MCTP1: variants seen among roughly 807,000 people sequenced by gnomAD.
MCTP1 encodes multiple C2 and transmembrane domain-containing protein 1.
A neutral mutation model predicts 120.6 loss-of-function variants in MCTP1; 69 were observed. That is an observed-to-expected ratio of 0.57 (90% CI 0.47 to 0.70). The LOEUF (loss-of-function observed/expected upper bound fraction) is 0.70. Ranked by LOEUF, MCTP1 falls within the 30% of genes least tolerant of loss-of-function variation. The pLI is 0.00. For synonymous variants in MCTP1, 529 were observed against 493.1 expected, an observed-to-expected ratio of 1.07 and a Z score of -0.96; for missense variants, 1,203 against 1,248.8, an observed-to-expected ratio of 0.96 and a Z score of 0.55.
At chr5:94,802,364 A>G (rs974351671) in intron 17 of MCTP1, among the ~76,000 whole-genome samples, 1 of 152,192 alleles carries the variant, frequency 6.6e-6, no homozygotes, top group African/African-American at 2.4e-5. Context: ...TAGATGTTTG[A>G]AAGTAGAACA....
In MCTP1 at chr5:94,723,086, C is replaced by T. The variant is rs143145176; in HGVS notation, c.2611-8200G>A. 5.7e-3 allele frequency among the ~76,000 whole-genome samples: 874 copies of T among 152,260 alleles called. 45 individuals are homozygous for T. Among genetic ancestry groups the T allele is most frequent in the Admixed American group, 0.053 (817 of 15,280 alleles). On this transcript the variant is annotated intron_variant, in intron 19 of 22. Transcript: ENST00000515393. ...CAGATATAAAAAAAACATGTTTCAA[C>T]CTGAAATCTAGAATACTGAAATTCT... is the stretch of plus-strand genomic sequence containing the variant.
intron 19 of MCTP1, among the ~76,000 whole-genome samples, chr5:94,754,584 A>G (rs1182135841): frequency 6.6e-6 from 1 of 152,208 alleles, no homozygotes; most frequent in Non-Finnish European, 1.5e-5. Flanking sequence ...CCATAGGTAA[A>G]AAGTTAAAGA....
At chr5:94,817,088 T>C (rs2153086397) in intron 17 of MCTP1, among the ~76,000 whole-genome samples, 1 of 152,250 alleles carries the variant, frequency 6.6e-6, no homozygotes, top group South Asian at 2.1e-4. Context: ...CCTTCAAGAC[T>C]CACCCAGTGT....
chr5:95,001,833 C>G (rs906645650), intron 2 of MCTP1, among the ~76,000 whole-genome samples: 2 of 152,104 alleles, frequency 1.3e-5, no homozygotes, highest in African/African-American at 4.8e-5. Flanking sequence ...GCAGAAGTAA[C>G]GAGGAGCCAA....
At chr5:95,185,106 T>C (rs949446792) in intron 1 of MCTP1, among the ~76,000 whole-genome samples, 2 of 152,154 alleles carry the variant, frequency 1.3e-5, no homozygotes, top group African/African-American at 4.8e-5. Flanking sequence ...GTCTAGGCAG[T>C]GGGCAAGGTG....
Position 94,928,657 on chromosome 5 carries a change from T to A in MCTP1, c.1212+3296A>T, listed in dbSNP as rs115514943. ...TGTGCTTGTGGAAAACCAGAATGAG[T>A]CTTTTGAAGGATGGTTCTGTCCCTA... is the stretch of plus-strand genomic sequence containing the variant. On this transcript the variant is annotated intron_variant, in intron 6 of 22. Transcript: ENST00000515393. Among the ~76,000 whole-genome samples, 682 of 152,168 alleles carry A rather than the reference T, an allele frequency of 4.5e-3. 6 individuals carry two copies. The highest frequency in any genetic ancestry group is 0.015 in the African/African-American group (632 of 41,520).
intron 6 of MCTP1, among the ~76,000 whole-genome samples, chr5:94,929,046 A>G (rs1813866884): frequency 6.6e-6 from 1 of 152,226 alleles, no homozygotes; most frequent in African/African-American, 2.4e-5. Flanking sequence ...GAAAGTCAAG[A>G]TGATGAAAAT....
At chr5:94,938,010 T>G (rs1336995679) in intron 5 of MCTP1, among the ~76,000 whole-genome samples, 2 of 152,012 alleles carry the variant, frequency 1.3e-5, no homozygotes, top group African/African-American at 4.8e-5. Flanking sequence ...TGTTGATTTT[T>G]ACCTCCTATA....
intron 17 of MCTP1, among the ~76,000 whole-genome samples, chr5:94,858,078 G>C (rs1353565702): frequency 6.6e-6 from 1 of 151,628 alleles, no homozygotes; most frequent in East Asian, 1.9e-4. Context: ...CCACGGACAG[G>C]TTCATCTTAG....
chr5:95,042,038 C>T (rs1842443015), intron 1 of MCTP1, among the ~76,000 whole-genome samples: 1 of 152,164 alleles, frequency 6.6e-6, no homozygotes, highest in South Asian at 2.1e-4. Context: ...AGTCTGAAGA[C>T]TTTGGATCTT....
chr5:95,076,146 CA>C (rs1376437236), intron 1 of MCTP1, among the ~76,000 whole-genome samples: 1 of 151,814 alleles, frequency 6.6e-6, no homozygotes, highest in Non-Finnish European at 1.5e-5. Flanking sequence ...ATAACAGTAA[CA>C]ATAATAAAAT....
At chr5:95,239,599 G>A (rs1227361251) in intron 1 of MCTP1, among the ~76,000 whole-genome samples, 1 of 152,108 alleles carries the variant, frequency 6.6e-6, no homozygotes, top group Non-Finnish European at 1.5e-5. Flanking sequence ...AGGCTACCTG[G>A]CTTGGGTTAA....
intron 17 of MCTP1, among the ~76,000 whole-genome samples, chr5:94,844,787 A>G (rs1791940988): frequency 6.6e-6 from 1 of 151,834 alleles, no homozygotes; most frequent in African/African-American, 2.4e-5. Context: ...TCCCACACCA[A>G]TTTCTGGTTT....
chr5:94,865,010 A>C (rs181492573), intron 17 of MCTP1, among the ~76,000 whole-genome samples: 1 of 152,062 alleles, frequency 6.6e-6, no homozygotes, highest in African/African-American at 2.4e-5. Context: ...TCTGCACCAC[A>C]CATGTCTGTG....
chr5:94,921,723 T>C (rs1811709517), intron 7 of MCTP1, among the ~76,000 whole-genome samples: 2 of 152,146 alleles, frequency 1.3e-5, no homozygotes, highest in Admixed American at 1.3e-4. Flanking sequence ...TGGTCACTGA[T>C]TTTCTGATTT....
At chr5:95,183,364 G>T (rs1748833175) in intron 1 of MCTP1, among the ~76,000 whole-genome samples, 1 of 151,376 alleles carries the variant, frequency 6.6e-6, no homozygotes, top group African/African-American at 2.4e-5. Flanking sequence ...TACAGCCATG[G>T]AGTAGGTTCA....
intron 10 of MCTP1, among the ~76,000 whole-genome samples, chr5:94,899,683 T>C (rs1447801127): frequency 6.6e-6 from 1 of 152,114 alleles, no homozygotes; most frequent in Non-Finnish European, 1.5e-5. Context: ...CCACACCTCT[T>C]CCCTTTCACA....
rs373377970 is a variant in MCTP1 at position 95,126,193 on chromosome 5, T to C, written c.721-108709A>G. On this transcript the variant is annotated intron_variant, in intron 1 of 22. Transcript: ENST00000515393. Reference sequence around the variant, plus strand: ...AGGCCTGCACTGTTGAATAAGAGGGTCAACAGAGAAACCAGTTACCTCTAC... The same window carrying C: ...AGGCCTGCACTGTTGAATAAGAGGGCCAACAGAGAAACCAGTTACCTCTAC... 1.8e-4 allele frequency among the ~76,000 whole-genome samples: 28 copies of C among 152,008 alleles called. 1 individual carries two copies. The highest frequency in any genetic ancestry group is 1.7e-3 in the Admixed American group (26 of 15,278).
intron 1 of MCTP1, among the ~76,000 whole-genome samples, chr5:95,130,467 T>C (rs567927612): frequency 1.2e-3 from 186 of 152,354 alleles, no homozygotes; most frequent in Non-Finnish European, 2.0e-3. Flanking sequence ...ATTATTTTGA[T>C]AGCTAACAAC....
Sources: gnomAD v4.1 joint callset for allele counts (sites outside exome capture counted in the v4.1 genomes callset) on GRCh38, gnomAD v4.1.1 for gene constraint, MANE v1.5 for transcripts, NCBI Gene and HGNC (gene_info 2026-07-23, HGNC 2026-07-21) for gene names.